Variants in MYO5B observed in about 807,000 individuals in gnomAD.
MYO5B encodes the protein unconventional myosin-Vb.
A neutral mutation model predicts 229.3 loss-of-function variants in MYO5B; 143 were observed. The ratio of observed to expected loss-of-function variants is 0.62; its 90% confidence interval spans 0.54 to 0.72. The LOEUF is 0.72. MYO5B is among the 30% of genes least tolerant of loss of function. The probability of loss-of-function intolerance (pLI) is 0.00; values close to 1 mark genes in which losing one functional copy is unlikely to be tolerated. For synonymous variants in MYO5B, 918 were observed against 885.2 expected (o/e 1.04, Z -0.66); for missense variants, 2,321 against 2,331.0 (o/e 1.00, Z 0.09).
intron 2 of MYO5B, among the ~76,000 whole-genome samples, chr18:50,043,354 T>G (rs2030092709): frequency 1.2e-5 from 1 of 86,820 alleles, no homozygotes; most frequent in Non-Finnish European, 2.2e-5. Context: ...TTATATATAA[T>G]ATAAATATAT....
At chr18:50,154,345 A>C (rs2032647491) in intron 1 of MYO5B, among the ~76,000 whole-genome samples, 1 of 152,212 alleles carries the variant, frequency 6.6e-6, no homozygotes, top group African/African-American at 2.4e-5. Flanking sequence ...CCATGACCTC[A>C]CAACATTGAA....
In MYO5B at chr18:50,048,898, T is replaced by C. The variant is rs140830427; in HGVS notation, c.138+6370A>G. On this transcript the variant is annotated intron_variant, in intron 2 of 39. Transcript: ENST00000285039. Reference sequence around the variant, plus strand: ...ATTAGCTGGCGTGGTGGCATACGCTTGTAATCCCAGCTACTCAGGAGGCTG... The same window carrying C: ...ATTAGCTGGCGTGGTGGCATACGCTCGTAATCCCAGCTACTCAGGAGGCTG... 2.3e-3 allele frequency among the ~76,000 whole-genome samples: 354 copies of C among 152,144 alleles called. 1 individual carries two copies. Among genetic ancestry groups the C allele is most frequent in the African/African-American group, 8.0e-3 (332 of 41,494 alleles).
chr18:49,893,314 T>G (rs2144128004), intron 22 of MYO5B, among the ~76,000 whole-genome samples: 1 of 152,332 alleles, frequency 6.6e-6, no homozygotes, highest in South Asian at 2.1e-4. Context: ...GGGTCACTAG[T>G]CTCAGGAGTT....
chr18:49,977,858 G>A (rs1030498411), intron 9 of MYO5B, among the ~76,000 whole-genome samples: 1 of 152,164 alleles, frequency 6.6e-6, no homozygotes, highest in African/African-American at 2.4e-5. Flanking sequence ...AGGGCTTTCT[G>A]GGATCTTCAC....
chr18:50,150,702 AG>A (rs1244051805), intron 1 of MYO5B, among the ~76,000 whole-genome samples: 2 of 152,196 alleles, frequency 1.3e-5, no homozygotes, highest in African/African-American at 4.8e-5. Flanking sequence ...GGGAGTGGGG[AG>A]GGATAGCATT....
At chr18:49,847,470 C>T (rs969092478) in intron 32 of MYO5B, among the ~76,000 whole-genome samples, 181 bp from the exon 33 acceptor site, 7 of 152,140 alleles carry the variant, frequency 4.6e-5, no homozygotes, top group African/African-American at 9.7e-5. Flanking sequence ...ACTCTCTTTG[C>T]GGAGTCTGTT....
At chr18:50,123,055 G>A (rs915675605) in intron 1 of MYO5B, among the ~76,000 whole-genome samples, 43 of 152,280 alleles carry the variant, frequency 2.8e-4, no homozygotes, top group African/African-American at 1.0e-3. Flanking sequence ...GTAAAAGGTG[G>A]AAACAACCCA....
chr18:50,093,211 C>G (rs996076592), intron 1 of MYO5B, among the ~76,000 whole-genome samples: 1 of 147,784 alleles, frequency 6.8e-6, no homozygotes, highest in Non-Finnish European at 1.5e-5. Context: ...CACACAGACA[C>G]ACACACACAC....
In MYO5B at chr18:50,043,478, T is replaced by C. The variant is rs1271028220; in HGVS notation, c.139-3164A>G. ...AAATATATTTGTATATATTTACATA[T>C]ATAAATATATTTTTATATATAAATA... On this transcript the variant is annotated intron_variant, in intron 2 of 39. Transcript: ENST00000285039. Among the ~76,000 whole-genome samples, 53 of 87,480 alleles carry C rather than the reference T, an allele frequency of 6.1e-4. 1 individual carries two copies. Among genetic ancestry groups the C allele is most frequent in the African/African-American group, 2.2e-3 (50 of 22,818 alleles). The allele number at this position is 87,480 out of a possible 152,430, so 57.4% of individuals were successfully genotyped here. A position where few individuals can be genotyped will look rare whatever the true frequency, so the allele number is the denominator to read the frequency against.
chr18:49,857,268 C>T (rs1381843206), intron 29 of MYO5B, among the ~76,000 whole-genome samples: 3 of 152,190 alleles, frequency 2.0e-5, no homozygotes, highest in Non-Finnish European at 2.9e-5. Context: ...ATGGTGCTTC[C>T]CTCAATCAGA....
Position 49,881,850 on chromosome 18 carries a change from C to T in MYO5B, c.3046-1395G>A, listed in dbSNP as rs2024590071. ...AGAAAGTTCTTAAAAAATGTTTTTGCTATTTATTATTAGAGCAACTATTTG... is the reference window on the plus strand; with the variant it reads ...AGAAAGTTCTTAAAAAATGTTTTTGTTATTTATTATTAGAGCAACTATTTG... On this transcript the variant is annotated intron_variant, in intron 22 of 39. Transcript: ENST00000285039. Among the ~76,000 whole-genome samples, 4 of 150,418 alleles carry T rather than the reference C, an allele frequency of 2.7e-5. No individual in the cohort carries two copies. The South Asian group carries it at 8.4e-4, about 32-fold the overall frequency.
intron 19 of MYO5B, 30 bp downstream of exon 19, chr18:49,906,389 G>C: frequency 6.2e-7 from 1 of 1,605,726 alleles, no homozygotes; most frequent in Non-Finnish European, 8.5e-7. Flanking sequence ...ACCATGATCT[G>C]CTGCCCTGAG....
chr18:49,955,659 T>C (rs2025484738), intron 12 of MYO5B, among the ~76,000 whole-genome samples: 1 of 152,246 alleles, frequency 6.6e-6, no homozygotes, highest in Non-Finnish European at 1.5e-5. Context: ...ATAACTAATA[T>C]TGAATACTCA....
chr18:49,962,507 G>A, intron 11 of MYO5B, 101 bp from the exon 12 acceptor site: 1 of 1,498,654 alleles, frequency 6.7e-7, no homozygotes, highest in Non-Finnish European at 9.2e-7. Context: ...GGACAGCAGA[G>A]AACTGCCAGA....
intron 1 of MYO5B, among the ~76,000 whole-genome samples, chr18:50,057,063 C>T (rs759195632): frequency 3.3e-5 from 5 of 152,188 alleles, no homozygotes; most frequent in Non-Finnish European, 5.9e-5. Context: ...AGCTTTATTG[C>T]ATCTGAGAGC....
intron 1 of MYO5B, among the ~76,000 whole-genome samples, chr18:50,075,188 C>T (rs1046630810): frequency 2.0e-5 from 3 of 152,182 alleles, no homozygotes; most frequent in Non-Finnish European, 4.4e-5. Context: ...ACCATGGGAG[C>T]GCATTCCAGT....
Position 50,001,368 on chromosome 18 carries a change from C to A in MYO5B, c.499G>T (p.Ala167Ser), listed in dbSNP as rs1438462255. Residue 167 changes from alanine (A) to serine (S), a missense_variant, in exon 5 of 40, where the codon GCC becomes TCC. Physicochemically the swap from Ala to Ser is moderately conservative, Grantham distance 99. Around this residue, in one of 2 missense-constraint regions of MYO5B, gnomAD observed 2,113 missense variants for 2,044.7 expected, o/e 1.03. Coordinates refer to ENST00000285039, the MANE Select transcript of MYO5B (RefSeq NM_001080467.3). ...TACTTGGCTGATACCGTCTTCCCGG[C>A]TCCAGACTCCCCACTGACTATGATG... ...QSIIVSGESG[A>S]GKTVSAKYAM... is the part of the protein sequence containing the mutation. 1 of 1,614,190 alleles carries A rather than the reference C, an allele frequency of 6.2e-7. No homozygotes were observed. The highest frequency in any genetic ancestry group is 1.1e-5 in the South Asian group (1 of 91,086).
chr18:49,919,074 T>C lies in MYO5B; in HGVS notation c.2091-6901A>G, dbSNP rs185461187. 4.6e-5 allele frequency among the ~76,000 whole-genome samples: 7 copies of C among 152,382 alleles called. No homozygotes were observed. In the East Asian group the frequency reaches 1.2e-3, roughly 25 times the overall value. ...TTTATCCCTTAAATGAAATTGTCAC[T>C]GTCTACCTTGCCTTCCTCAATGGTC... is the stretch of plus-strand genomic sequence containing the variant. On this transcript the variant is annotated intron_variant, in intron 17 of 39. Transcript: ENST00000285039.
intron 31 of MYO5B, among the ~76,000 whole-genome samples, chr18:49,852,782 G>A (rs2024217107): frequency 6.6e-6 from 1 of 152,014 alleles, no homozygotes; most frequent in Non-Finnish European, 1.5e-5. Flanking sequence ...CTCAGCTCAA[G>A]CCTCATGTCC....
Sources: gnomAD v4.1 joint callset for allele counts (sites outside exome capture counted in the v4.1 genomes callset) on GRCh38, gnomAD v4.1.1 for gene constraint, gnomAD v4.1.1 regional missense constraint, MANE v1.5 for transcripts, NCBI Gene and HGNC (gene_info 2026-07-23, HGNC 2026-07-21) for gene names.